Variants in ABTB3 observed in about 807,000 individuals in gnomAD.
ABTB3 encodes ankyrin repeat- and BTB/POZ domain-containing protein 3.
the ABTB3 span, among the ~76,000 whole-genome samples, chr12:107,418,999 T>C: frequency 5.3e-5 from 8 of 152,194 alleles, no homozygotes; most frequent in African/African-American, 1.9e-4. Context: ...TTTAATGCAG[T>C]TCAAAGGAGC....
chr12:107,515,003 A>G, the ABTB3 span, among the ~76,000 whole-genome samples: 1 of 152,338 alleles, frequency 6.6e-6, no homozygotes, highest in East Asian at 1.9e-4. Context: ...TTTGATACAC[A>G]TGATCTCATT....
the ABTB3 span, chr12:107,617,825 C>T: frequency 5.3e-6 from 2 of 374,878 alleles, no homozygotes; most frequent in Non-Finnish European, 4.8e-6. Context: ...TGATCATCAG[C>T]TTTTATTACA....
chr12:107,441,145 GTGGCCA>G, the ABTB3 span, among the ~76,000 whole-genome samples: 1 of 152,148 alleles, frequency 6.6e-6, no homozygotes, highest in South Asian at 2.1e-4. Flanking sequence ...TGGGGGTCAC[GTGGCCA>G]CACGCACGCA....
the ABTB3 span, among the ~76,000 whole-genome samples, chr12:107,640,600 C>T: frequency 6.6e-6 from 1 of 152,270 alleles, no homozygotes; most frequent in East Asian, 1.9e-4. Context: ...CTCCTCTGGG[C>T]ACATAAAGGG....
the ABTB3 span, among the ~76,000 whole-genome samples, chr12:107,607,993 A>C: frequency 2.6e-5 from 4 of 152,112 alleles, no homozygotes; most frequent in African/African-American, 2.4e-5. Context: ...TGGGTTCATT[A>C]GAGGCAGGAA....
the ABTB3 span, among the ~76,000 whole-genome samples, chr12:107,595,979 T>C: frequency 6.6e-6 from 1 of 152,110 alleles, no homozygotes; most frequent in Non-Finnish European, 1.5e-5. Flanking sequence ...ATAAATATTG[T>C]GTGTGTATAT....
the ABTB3 span, chr12:107,610,167 A>G: frequency 1.9e-6 from 3 of 1,614,084 alleles, no homozygotes; most frequent in Non-Finnish European, 2.5e-6. Context: ...CTGTACCCGC[A>G]TGATGTCTCT....
the ABTB3 span, among the ~76,000 whole-genome samples, chr12:107,448,305 G>A: frequency 6.6e-5 from 10 of 152,272 alleles, no homozygotes; most frequent in East Asian, 3.9e-4. Context: ...CTCCCAGAGC[G>A]GTAGCTGTGT....
the ABTB3 span, chr12:107,657,681 C>A: frequency 6.2e-7 from 1 of 1,614,088 alleles, no homozygotes; most frequent in Non-Finnish European, 8.5e-7. Flanking sequence ...AGAATTCAGT[C>A]CATCCACTTG....
At chr12:107,443,421 A>G in the ABTB3 span, among the ~76,000 whole-genome samples, 1 of 152,032 alleles carries the variant, frequency 6.6e-6, no homozygotes, top group Admixed American at 6.5e-5. Context: ...GTAGCACATG[A>G]CTTTGTCCAC....
At chr12:107,590,550 G>A in the ABTB3 span, among the ~76,000 whole-genome samples, 2 of 152,216 alleles carry the variant, frequency 1.3e-5, no homozygotes, top group African/African-American at 2.4e-5. Flanking sequence ...GGCTGGCAGC[G>A]AGGAAGTCAT....
chr12:107,508,438 C>CTTTTT, the ABTB3 span, among the ~76,000 whole-genome samples: 772 of 69,148 alleles, frequency 0.011, 98 homozygotes, highest in Non-Finnish European at 0.015. Context: ...AAGATCATTT[C>CTTTTT]TTTTTTTTTT....
At chr12:107,443,112 A>G in the ABTB3 span, among the ~76,000 whole-genome samples, 17 of 152,150 alleles carry the variant, frequency 1.1e-4, no homozygotes, top group Admixed American at 2.6e-4. Context: ...TAACACCATC[A>G]TTTTGGAGTT....
the ABTB3 span, among the ~76,000 whole-genome samples, chr12:107,569,831 G>C: frequency 6.6e-6 from 1 of 152,226 alleles, no homozygotes; most frequent in Non-Finnish European, 1.5e-5. Context: ...GGCCACTTAA[G>C]CAACGGTCAG....
the ABTB3 span, chr12:107,658,004 G>A: frequency 2.2e-6 from 1 of 450,432 alleles, no homozygotes; most frequent in African/African-American, 2.0e-5. Context: ...ACTGTCCAGT[G>A]AATGGATTGA....
chr12:107,414,652 C>T, the ABTB3 span, among the ~76,000 whole-genome samples: 5 of 151,972 alleles, frequency 3.3e-5, no homozygotes, highest in Non-Finnish European at 5.9e-5. Flanking sequence ...GGCCACACCT[C>T]GTCTGGTCTC....
chr12:107,566,929 A>G, the ABTB3 span, among the ~76,000 whole-genome samples: 1 of 152,152 alleles, frequency 6.6e-6, no homozygotes, highest in Non-Finnish European at 1.5e-5. Context: ...CCTGGGTAAC[A>G]GAGGGAGACT....
chr12:107,511,516 C>T, the ABTB3 span, among the ~76,000 whole-genome samples: 2 of 151,790 alleles, frequency 1.3e-5, no homozygotes, highest in Admixed American at 6.6e-5. Flanking sequence ...AGCCTTGGCT[C>T]TTCTCCATGT....
the ABTB3 span, among the ~76,000 whole-genome samples, chr12:107,472,649 T>A: frequency 6.6e-6 from 1 of 152,122 alleles, no homozygotes; most frequent in East Asian, 1.9e-4. Flanking sequence ...ACAAACATAG[T>A]GAGTGATGTA....
Sources: allele counts gnomAD v4.1 joint callset (sites outside exome capture counted in the v4.1 genomes callset), GRCh38; gene constraint gnomAD v4.1.1; transcripts MANE v1.5; gene names NCBI Gene and HGNC (gene_info 2026-07-23, HGNC 2026-07-21).